The following NAALADL2 variants were observed in gnomAD, a reference collection of about 807,000 sequenced individuals.
The protein encoded by NAALADL2 is inactive N-acetylated-alpha-linked acidic dipeptidase-like protein 2.
A neutral mutation model predicts 87.2 loss-of-function variants in NAALADL2; 76 were observed. That is an observed-to-expected ratio of 0.87 (90% CI 0.72 to 1.05). NAALADL2 has a LOEUF of 1.05. NAALADL2 is among the 50% of genes least tolerant of loss of function. NAALADL2 has a pLI of 0.00. For synonymous variants in NAALADL2, 354 were observed against 331.0 expected (o/e 1.07, Z -0.75); for missense variants, 1,089 against 945.8 (o/e 1.15, Z -1.99).
At chr3:175,211,258 T>C (rs1222557560) in intron 2 of NAALADL2, among the ~76,000 whole-genome samples, 1 of 151,900 alleles carries the variant, frequency 6.6e-6, no homozygotes, top group Non-Finnish European at 1.5e-5. Context: ...GAATCTTTAT[T>C]ACGTTTTATG....
Position 175,116,448 on chromosome 3 carries a change from C to T in NAALADL2, c.545+19157C>T, listed in dbSNP as rs1196862586. On this transcript the variant is annotated intron_variant, in intron 2 of 13. Transcript: ENST00000454872. ...TTCCTATACACCAATAACAGACAAA[C>T]AGAGAGCCAAATCATGAGTGAACTC... 5.3e-5 allele frequency among the ~76,000 whole-genome samples: 8 copies of T among 150,938 alleles called. No homozygotes were observed. In the East Asian group the frequency reaches 1.6e-3, roughly 29 times the overall value.
chr3:175,477,189 T>C (rs1725814348), intron 9 of NAALADL2, among the ~76,000 whole-genome samples: 1 of 152,104 alleles, frequency 6.6e-6, no homozygotes, highest in South Asian at 2.1e-4. Flanking sequence ...ATAAATAGCT[T>C]AGAACTTTAC....
intron 2 of NAALADL2, among the ~76,000 whole-genome samples, chr3:175,133,140 C>A (rs1303379766): frequency 3.4e-5 from 5 of 148,638 alleles, no homozygotes; most frequent in Admixed American, 3.3e-4. Context: ...CGGGCAGAGA[C>A]GCTCCTCACT....
At chr3:174,844,682 T>G (rs936359880) in intron 3 of NAALADL2, among the ~76,000 whole-genome samples, 1 of 150,848 alleles carries the variant, frequency 6.6e-6, no homozygotes, top group African/African-American at 2.4e-5. Flanking sequence ...ATAAATATTT[T>G]ATAATTTTCA....
chr3:175,036,166 C>G (rs1753380286), intron 1 of NAALADL2, among the ~76,000 whole-genome samples: 1 of 152,086 alleles, frequency 6.6e-6, no homozygotes, highest in Non-Finnish European at 1.5e-5. Flanking sequence ...AATTATCTTT[C>G]AGCATTTTGC....
At chr3:175,784,120 G>A (rs1426692731) in intron 13 of NAALADL2, among the ~76,000 whole-genome samples, 1 of 149,934 alleles carries the variant, frequency 6.7e-6, no homozygotes, top group Admixed American at 6.6e-5. Context: ...TTTTATTGAG[G>A]ATTTTTGCAT....
At chr3:175,399,844 C>G (rs1037874831) in intron 5 of NAALADL2, among the ~76,000 whole-genome samples, 2 of 152,120 alleles carry the variant, frequency 1.3e-5, no homozygotes, top group African/African-American at 4.8e-5. Flanking sequence ...GTTCAAACAC[C>G]TCTGACGTTT....
At chr3:174,441,242 G>A (rs1714586437) in intron 1 of NAALADL2, among the ~76,000 whole-genome samples, 1 of 151,960 alleles carries the variant, frequency 6.6e-6, no homozygotes, top group Non-Finnish European at 1.5e-5. Flanking sequence ...CCGGCGGCGG[G>A]TTCTGAGCGA....
chr3:174,474,115 G>A (rs1236611616), intron 1 of NAALADL2, among the ~76,000 whole-genome samples: 1 of 152,114 alleles, frequency 6.6e-6, no homozygotes, highest in Non-Finnish European at 1.5e-5. Flanking sequence ...ATAAGATTTG[G>A]ATGGGGTCAC....
intron 1 of NAALADL2, chr3:174,441,044 CCTTTT>C (rs1436426563): frequency 1.3e-5 from 2 of 152,124 alleles, no homozygotes; most frequent in Non-Finnish European, 2.9e-5. Flanking sequence ...TAATCGGAGT[CCTTTT>C]CTTTTCAAAG....
At chr3:175,795,384 T>C (rs569712480) in intron 13 of NAALADL2, among the ~76,000 whole-genome samples, 7 of 152,170 alleles carry the variant, frequency 4.6e-5, no homozygotes, top group Middle Eastern at 3.4e-3. Context: ...ATCCATATTG[T>C]ACTCTGTCAA....
At chr3:174,675,470 C>T (rs866823511) in intron 2 of NAALADL2, among the ~76,000 whole-genome samples, 1 of 152,008 alleles carries the variant, frequency 6.6e-6, no homozygotes, top group Non-Finnish European at 1.5e-5. Flanking sequence ...TAAGGTTCCT[C>T]GCTTGGCAAC....
rs540312962 is a variant in NAALADL2, at chr3:175,036,865, A to G, written c.44-59925A>G. On this transcript the variant is annotated intron_variant, in intron 1 of 13. Transcript: ENST00000454872. The stretch of plus-strand genomic sequence containing the variant: ...GCTACCCAACAACAACAACAACAGC[A>G]TAATAACTCCTGTTTTCTCCTCACC... Among the ~76,000 whole-genome samples the G allele has an allele frequency of 2.2e-4, 32 of 145,842 alleles. No homozygotes were observed. The South Asian group carries it at 6.4e-3, about 29-fold the overall frequency.
intron 10 of NAALADL2, among the ~76,000 whole-genome samples, chr3:175,602,467 TAGAG>T (rs556252372): frequency 4.9e-5 from 7 of 142,472 alleles, no homozygotes; most frequent in South Asian, 2.2e-4. Context: ...TCTATATATA[TAGAG>T]AGAGAGAGAG....
intron 2 of NAALADL2, among the ~76,000 whole-genome samples, chr3:174,621,213 T>C (rs1720961501): frequency 6.6e-6 from 1 of 152,086 alleles, no homozygotes. Context: ...ACTTTGAAAT[T>C]GCTAGCAATG....
At chr3:174,737,950 G>C (rs544034521) in intron 3 of NAALADL2, among the ~76,000 whole-genome samples, 6 of 151,538 alleles carry the variant, frequency 4.0e-5, no homozygotes, top group African/African-American at 7.3e-5. Context: ...ATTTTCTTTG[G>C]GTAGCATTAT....
At chr3:175,729,484 T>C (rs1424146460) in intron 11 of NAALADL2, among the ~76,000 whole-genome samples, 2 of 152,150 alleles carry the variant, frequency 1.3e-5, no homozygotes, top group Non-Finnish European at 2.9e-5. Context: ...CCTGTAACAA[T>C]AGCTGAGTCT....
intron 1 of NAALADL2, among the ~76,000 whole-genome samples, chr3:174,898,806 T>C (rs1731947300): frequency 6.6e-6 from 1 of 152,154 alleles, no homozygotes; most frequent in Non-Finnish European, 1.5e-5. Context: ...TCCTGGATGG[T>C]AAAATTCTAA....
chr3:175,242,524 T>C (rs2109630615), intron 3 of NAALADL2: 1 of 152,330 alleles, frequency 6.6e-6, no homozygotes, highest in South Asian at 2.1e-4. Flanking sequence ...CCAGGAAGAA[T>C]TCTCTTGAAT....
Sources: gnomAD v4.1 joint callset for allele counts (sites outside exome capture counted in the v4.1 genomes callset) on GRCh38, gnomAD v4.1.1 for gene constraint, MANE v1.5 for transcripts, NCBI Gene and HGNC (gene_info 2026-07-23, HGNC 2026-07-21) for gene names.